The following ANKRD28 variants were observed in gnomAD, a reference collection of about 807,000 sequenced individuals.
ANKRD28 encodes the protein serine/threonine-protein phosphatase 6 regulatory ankyrin repeat subunit A.
Under a neutral mutation model 126.5 loss-of-function variants are expected in ANKRD28, and 44 were observed. The observed-to-expected ratio is 0.35, with a 90% confidence interval of 0.27 to 0.45. The LOEUF is 0.45. Ranked by LOEUF, ANKRD28 falls within the 20% of genes least tolerant of loss-of-function variation. The probability of loss-of-function intolerance (pLI) is 1.00; values close to 1 mark genes in which losing one functional copy is unlikely to be tolerated. For synonymous variants in ANKRD28, 442 were observed against 468.5 expected (o/e 0.94, Z 0.73); for missense variants, 1,110 against 1,316.6 (o/e 0.84, Z 2.43).
At chr3:15,740,019 G>T (rs1048788431) in intron 4 of ANKRD28, among the ~76,000 whole-genome samples, 6 of 151,684 alleles carry the variant, frequency 4.0e-5, no homozygotes, top group African/African-American at 1.4e-4. Flanking sequence ...TCCATCAACA[G>T]AAAAATGGAT....
At chr3:15,831,442 C>T (rs968536976) in intron 1 of ANKRD28, among the ~76,000 whole-genome samples, 5 of 152,158 alleles carry the variant, frequency 3.3e-5, no homozygotes, top group African/African-American at 4.8e-5. Context: ...TATAGAGGAA[C>T]GTCCTGTCCA....
intron 1 of ANKRD28, among the ~76,000 whole-genome samples, chr3:15,847,379 A>T (rs2061551732): frequency 6.6e-6 from 1 of 152,048 alleles, no homozygotes; most frequent in African/African-American, 2.4e-5. Flanking sequence ...TCTTTCCTCC[A>T]TTCATTCCAT....
In ANKRD28 at chr3:15,708,023, C is replaced by A. The variant is rs766347952; in HGVS notation, c.1448G>T (p.Cys483Phe). 3.7e-6 allele frequency: 6 copies of A among 1,610,306 alleles called. No homozygotes were observed. Among genetic ancestry groups the A allele is most frequent in the Non-Finnish European group, 3.4e-6 (4 of 1,178,366 alleles). The change falls in exon 14 of 28, where the codon TGC becomes TTC. Residue 483 changes from cysteine to phenylalanine, a missense_variant. Physicochemically the swap from Cys to Phe is radical, Grantham distance 205 (BLOSUM62 -2). Transcript: ENST00000683139. ...TCCTGATCCCACAAGAGCAAACAGG[C>A]ACTGGTAATTGCAGTTGGCAGCAGC... is the stretch of plus-strand genomic sequence containing the variant. ...HYAAANCNYQ[C>F]LFALVGSGAS...
rs368629181 is a variant in ANKRD28 at position 15,838,611 on chromosome 3, G to A, written c.27+20766C>T. Among the ~76,000 whole-genome samples, 12 of 152,210 alleles carry A rather than the reference G, an allele frequency of 7.9e-5. No homozygotes were observed. Among genetic ancestry groups the A allele is most frequent in the South Asian group, 4.1e-4 (2 of 4,820 alleles). On this transcript the variant is annotated intron_variant, in intron 1 of 27. Coordinates refer to the ANKRD28 transcript ENST00000399451. The surrounding 1 kb of genome is among the most constrained non-coding windows in gnomAD (Gnocchi z 4.0). ...AAATACAAAAAACTTAGTCGGGCAT[G>A]GTGGCACATGCCTGTAATCCCAGCT...
chr3:15,737,055 G>T lies in ANKRD28; in HGVS notation c.530C>A (p.Ala177Glu). Residue 177 changes from alanine to glutamate, a missense_variant, in exon 5 of 28, where the codon GCA becomes GAA. Physicochemically the swap from Ala to Glu is moderately radical, Grantham distance 107. Transcript: ENST00000683139. ...TACCTCACCATGTCCACTGAAAGCT[G>T]CATGATGTAATGCAGTCCTCCCTGC... is the stretch of plus-strand genomic sequence containing the variant. ...DRAGRTALHH[A>E]AFSGHGEMVK... is the part of the protein sequence containing the mutation. The T allele has an allele frequency of 6.2e-7, 1 of 1,613,954 alleles. No individual in the cohort carries two copies. The highest frequency in any genetic ancestry group is 8.5e-7 in the Non-Finnish European group (1 of 1,179,872).
intron 14 of ANKRD28, among the ~76,000 whole-genome samples, chr3:15,698,858 A>G (rs1296335358): frequency 2.0e-5 from 3 of 152,200 alleles, no homozygotes; most frequent in African/African-American, 7.2e-5. Context: ...TCAAGCTACC[A>G]ATGACTTTCT....
At chr3:15,842,348 A>G (rs1237116602) in intron 1 of ANKRD28, among the ~76,000 whole-genome samples, 1 of 152,040 alleles carries the variant, frequency 6.6e-6, no homozygotes, top group Admixed American at 6.6e-5. Flanking sequence ...GAAGCTAAAA[A>G]TTAAAACAAT....
At chr3:15,712,427 C>T (rs1429106879) in intron 10 of ANKRD28, among the ~76,000 whole-genome samples, 1 of 152,220 alleles carries the variant, frequency 6.6e-6, no homozygotes, top group Admixed American at 6.5e-5. Context: ...TTCTCACCTT[C>T]AGCACTACTG....
At chr3:15,718,482 T>G (rs940608808) in intron 8 of ANKRD28, among the ~76,000 whole-genome samples, 1 of 152,180 alleles carries the variant, frequency 6.6e-6, no homozygotes. Flanking sequence ...AGTGGGCCTC[T>G]TAGAGGACTG....
At position 15,679,570 on chromosome 3, in the gene ANKRD28, A is replaced by G. The variant is rs1384272529; in HGVS notation, c.2390-7T>C. The G allele has an allele frequency of 3.1e-6, 5 of 1,603,538 alleles. No individual in the cohort carries two copies. Among genetic ancestry groups the G allele is most frequent in the Non-Finnish European group, 4.3e-6 (5 of 1,173,540 alleles). On this transcript the variant is annotated splice_polypyrimidine_tract_variant and splice_region_variant and intron_variant, in intron 21 of 27. Coordinates refer to ENST00000683139, the MANE Select transcript of ANKRD28 (RefSeq NM_001349278.2). ...TCTACACATGTCTCGTGACCTAAATAGGTGTAAAGAACCAGGTATTAAAAT... is the reference window on the plus strand; with the variant it reads ...TCTACACATGTCTCGTGACCTAAATGGGTGTAAAGAACCAGGTATTAAAAT...
At position 15,816,644 on chromosome 3, in the gene ANKRD28, T is replaced by C. The variant is rs1482763846; in HGVS notation, c.28-21338A>G. Among the ~76,000 whole-genome samples the C allele has an allele frequency of 1.3e-5, 2 of 151,846 alleles. No individual in the cohort carries two copies. Among genetic ancestry groups the C allele is most frequent in the African/African-American group, 2.4e-5 (1 of 41,124 alleles). ...TATTTTACTACACTATTTAACCCAC[T>C]AGATGCTAACTAACAAACATTTAAG... On this transcript the variant is annotated intron_variant, in intron 1 of 27. Coordinates refer to the ANKRD28 transcript ENST00000399451. The surrounding 1 kb of genome is among the most constrained non-coding windows in gnomAD (Gnocchi z 5.0).
chr3:15,765,088 G>A (rs2058677732), intron 3 of ANKRD28, among the ~76,000 whole-genome samples: 2 of 152,146 alleles, frequency 1.3e-5, no homozygotes, highest in Non-Finnish European at 2.9e-5. Context: ...CATTATGCAT[G>A]TAGGTATGCA....
chr3:15,688,999 A>C (rs908914453), intron 18 of ANKRD28, among the ~76,000 whole-genome samples: 2 of 152,252 alleles, frequency 1.3e-5, no homozygotes, highest in Non-Finnish European at 2.9e-5. Context: ...TTTTGTTGAT[A>C]AAGTGTTTCA....
chr3:15,686,564 A>T, intron 18 of ANKRD28: 1 of 479,138 alleles, frequency 2.1e-6, no homozygotes, highest in African/African-American at 2.0e-5. Flanking sequence ...ATCTGCCTCT[A>T]AAAGAATGCT....
intron 16 of ANKRD28, 48 bp downstream of exon 16, chr3:15,695,140 G>C (rs573027270): frequency 6.9e-7 from 1 of 1,453,900 alleles, no homozygotes; most frequent in Admixed American, 1.8e-5. Context: ...ACTGGTAGGA[G>C]GGAACTGACC....
chr3:15,765,847 C>CAA (rs202083902), intron 3 of ANKRD28, among the ~76,000 whole-genome samples: 2 of 133,112 alleles, frequency 1.5e-5, no homozygotes, highest in African/African-American at 6.0e-5. Flanking sequence ...AACCAAAAAC[C>CAA]AAAAAAAAAA....
chr3:15,801,330 T>C (rs2060461110), upstream of ANKRD28, among the ~76,000 whole-genome samples: 1 of 152,202 alleles, frequency 6.6e-6, no homozygotes, highest in Non-Finnish European at 1.5e-5. This position sits in a 1 kb window ranked among gnomAD's most constrained non-coding sequence, Gnocchi z 4.9. Flanking sequence ...ATTTCTTTTT[T>C]TGACACAAAC....
intron 3 of ANKRD28, among the ~76,000 whole-genome samples, chr3:15,754,860 T>C (rs2058070219): frequency 6.6e-6 from 1 of 152,226 alleles, no homozygotes; most frequent in African/African-American, 2.4e-5. Context: ...CTCACGCCTG[T>C]AATCCCAGTA....
chr3:15,696,329 A>T, intron 14 of ANKRD28, 84 bp from the exon 15 acceptor site: 1 of 864,472 alleles, frequency 1.2e-6, no homozygotes, highest in Non-Finnish European at 1.8e-6. Flanking sequence ...TTAAAAACTG[A>T]CAATTTTTCT....
Sources: gnomAD v4.1 joint callset for allele counts (sites outside exome capture counted in the v4.1 genomes callset) on GRCh38, gnomAD v4.1.1 for gene constraint, Gnocchi (gnomAD v3.1) non-coding constraint, MANE v1.5 for transcripts, NCBI Gene and HGNC (gene_info 2026-07-23, HGNC 2026-07-21) for gene names.